SGTA: variants seen among roughly 807,000 people sequenced by gnomAD.
SGTA encodes the protein small glutamine-rich tetratricopeptide repeat-containing protein alpha.
SGTA carries 22 observed loss-of-function variants against 44.3 expected under a neutral mutation model. The observed-to-expected ratio is 0.50, with a 90% confidence interval of 0.36 to 0.71. SGTA has a LOEUF of 0.71. Ranked by LOEUF, SGTA falls within the 30% of genes least tolerant of loss-of-function variation. SGTA has a pLI of 0.00. For missense variants in SGTA, 341 were observed against 435.9 expected, an observed-to-expected ratio of 0.78 and a Z score of 1.94; for synonymous variants, 174 against 177.6, an observed-to-expected ratio of 0.98 and a Z score of 0.16.
chr19:2,760,019 T>C (rs1235554259), intron 8 of SGTA, among the ~76,000 whole-genome samples: 1 of 152,152 alleles, frequency 6.6e-6, no homozygotes, highest in Non-Finnish European at 1.5e-5. Context: ...CTTTCTCATG[T>C]TAACTTTCCA....
At chr19:2,764,582 G>A (rs754542339) in intron 5 of SGTA, among the ~76,000 whole-genome samples, 6 of 151,446 alleles carry the variant, frequency 4.0e-5, no homozygotes, top group African/African-American at 1.2e-4. Context: ...GGTTTTTTTC[G>A]GGGTTTTTTT....
chr19:2,758,510 C>A lies in SGTA; in HGVS notation c.738-728G>T, dbSNP rs1288015761. ...CCAGCCTGGGTGACAGAGCAAGATTCTGTCTCAAAAAAAAAAAAAGGAGAA... is the reference window on the plus strand; with the variant it reads ...CCAGCCTGGGTGACAGAGCAAGATTATGTCTCAAAAAAAAAAAAAGGAGAA... On this transcript the variant is annotated intron_variant, in intron 9 of 11. Coordinates refer to ENST00000221566, the MANE Select transcript of SGTA (RefSeq NM_003021.4). Among the ~76,000 whole-genome samples the A allele has an allele frequency of 2.1e-5, 3 of 139,984 alleles. No homozygotes were observed. In the East Asian group the frequency reaches 7.0e-4, roughly 33 times the overall value. 91.8% of individuals were successfully genotyped at this position (139,984 alleles called of 152,430 possible). A position where few individuals can be genotyped will look rare whatever the true frequency, so the allele number is the denominator to read the frequency against.
Position 2,771,575 on chromosome 19 carries a change from C to CGG in SGTA, c.-23-2486_-23-2485dup, listed in dbSNP as rs5741784. Among the ~76,000 whole-genome samples the CGG allele has an allele frequency of 9.4e-3, 1,027 of 109,116 alleles. 39 individuals are homozygous for CGG. The highest frequency in any genetic ancestry group is 0.027 in the African/African-American group (707 of 26,550). 71.6% of individuals were successfully genotyped at this position (109,116 alleles called of 152,430 possible). A position where few individuals can be genotyped will look rare whatever the true frequency, so the allele number is the denominator to read the frequency against. On this transcript the variant is annotated intron_variant, in intron 1 of 11. Coordinates refer to ENST00000221566, the MANE Select transcript of SGTA (RefSeq NM_003021.4). ...ATGGATGGCGACAGCACCTCCCCAT[C>CGG]GGGGGGGGGGGGAGGGGTACGAGAC...
At chr19:2,760,806 T>G (rs1251354989) in intron 8 of SGTA, among the ~76,000 whole-genome samples, 2 of 152,142 alleles carry the variant, frequency 1.3e-5, no homozygotes, top group African/African-American at 2.4e-5. Flanking sequence ...TTTTTCTGAC[T>G]GACAGTGAGA....
chr19:2,757,625 T>C, intron 10 of SGTA, 68 bp downstream of exon 10: 1 of 1,452,856 alleles, frequency 6.9e-7, no homozygotes, highest in South Asian at 1.4e-5. Flanking sequence ...GCTCTCCTCC[T>C]TCCCTTCCGC....
intron 1 of SGTA, among the ~76,000 whole-genome samples, chr19:2,781,455 AGGTAAC>A (rs1405063154): frequency 1.3e-5 from 2 of 152,222 alleles, no homozygotes; most frequent in African/African-American, 4.8e-5. Flanking sequence ...AATCAACTAC[AGGTAAC>A]GCATAAACCA....
At chr19:2,770,336 C>A in intron 1 of SGTA, 1 of 152,458 alleles carries the variant, frequency 6.6e-6, no homozygotes, top group Middle Eastern at 3.4e-3. Context: ...AGTACAAGAC[C>A]TTTCACACAG....
At chr19:2,768,662 G>C (rs1212749297) in intron 2 of SGTA, among the ~76,000 whole-genome samples, 1 of 152,218 alleles carries the variant, frequency 6.6e-6, no homozygotes, top group East Asian at 1.9e-4. Context: ...ACTGGGTGGT[G>C]AGAACATTCC....
chr19:2,772,326 G>T (rs1223678219), intron 1 of SGTA, among the ~76,000 whole-genome samples: 1 of 152,240 alleles, frequency 6.6e-6, no homozygotes, highest in Non-Finnish European at 1.5e-5. Flanking sequence ...ATTCTTCTCT[G>T]CTCTGTGCCC....
intron 1 of SGTA, among the ~76,000 whole-genome samples, chr19:2,774,563 C>A (rs914630658): frequency 7.2e-5 from 11 of 152,166 alleles, no homozygotes; most frequent in Middle Eastern, 3.2e-3. Context: ...TACACAGAGG[C>A]CTTCACCTAC....
intron 1 of SGTA, among the ~76,000 whole-genome samples, chr19:2,780,980 G>C (rs1390970988): frequency 6.6e-6 from 1 of 152,166 alleles, no homozygotes; most frequent in Non-Finnish European, 1.5e-5. Flanking sequence ...CAGCTACTCA[G>C]GAGGCTGAGG....
Position 2,767,077 on chromosome 19 carries a change from C to T in SGTA, c.292+59G>A. 1.5e-6 allele frequency: 2 copies of T among 1,324,824 alleles called. No homozygotes were observed. Among genetic ancestry groups the T allele is most frequent in the South Asian group, 2.5e-5 (2 of 80,446 alleles). The allele number at this position is 1,324,824 out of a possible 1,614,324, so 82.1% of individuals were successfully genotyped here. A position where few individuals can be genotyped will look rare whatever the true frequency, so the allele number is the denominator to read the frequency against. Reference sequence around the variant, plus strand: ...GGACCAGCTGGCCTCTGCGAGGGTCCCACAGCCCCGGAGTCCAGGTAGGGC... The same window carrying T: ...GGACCAGCTGGCCTCTGCGAGGGTCTCACAGCCCCGGAGTCCAGGTAGGGC... On this transcript the variant is annotated intron_variant, in intron 4 of 11. Transcript: ENST00000221566. This position sits in a 1 kb window ranked among gnomAD's most constrained non-coding sequence, Gnocchi z 7.3.
intron 10 of SGTA, 76 bp from the exon 11 acceptor site, chr19:2,757,533 C>T: frequency 1.3e-6 from 2 of 1,551,466 alleles, no homozygotes; most frequent in Non-Finnish European, 8.7e-7. Flanking sequence ...CAGCTGACCC[C>T]TCGGGCCCTC....
chr19:2,778,284 G>C (rs1002149766), intron 1 of SGTA, among the ~76,000 whole-genome samples: 3 of 152,178 alleles, frequency 2.0e-5, no homozygotes, highest in African/African-American at 7.2e-5. Context: ...AATAAACCAA[G>C]AAATCTCATC....
rs939506589 is a variant in SGTA at position 2,765,947 on chromosome 19, G to A, written c.293-662C>T. Among the ~76,000 whole-genome samples the A allele has an allele frequency of 6.6e-6, 1 of 152,198 alleles. No individual in the cohort carries two copies. The highest frequency in any genetic ancestry group is 1.5e-5 in the Non-Finnish European group (1 of 68,038). On this transcript the variant is annotated intron_variant, in intron 4 of 11. Coordinates refer to ENST00000221566, the MANE Select transcript of SGTA (RefSeq NM_003021.4). The surrounding 1 kb of genome is among the most constrained non-coding windows in gnomAD (Gnocchi z 5.5). ...GCTTTAAAAATATAAGCCCGGGCGCGGTGGCTCATGCTTATAATCCCAGCA... is the reference window on the plus strand; with the variant it reads ...GCTTTAAAAATATAAGCCCGGGCGCAGTGGCTCATGCTTATAATCCCAGCA...
At chr19:2,760,354 T>TA (rs1054344879) in intron 8 of SGTA, among the ~76,000 whole-genome samples, 2 of 151,268 alleles carry the variant, frequency 1.3e-5, no homozygotes, top group African/African-American at 2.4e-5. Flanking sequence ...CCATTTCTAT[T>TA]AAAAAATACC....
At chr19:2,769,671 T>TC (rs374024306) in intron 1 of SGTA, among the ~76,000 whole-genome samples, 28 of 152,106 alleles carry the variant, frequency 1.8e-4, no homozygotes, top group African/African-American at 6.0e-4. Context: ...TGCAGAGGAC[T>TC]CCCCCCAGGG....
chr19:2,771,848 C>T (rs1915318507), intron 1 of SGTA, among the ~76,000 whole-genome samples: 1 of 152,240 alleles, frequency 6.6e-6, no homozygotes, highest in African/African-American at 2.4e-5. Context: ...GATGGGACCC[C>T]CATCCTCTGT....
rs370085392 is a variant in SGTA, at chr19:2,765,137, C to T, written c.392+49G>A. On this transcript the variant is annotated intron_variant, in intron 5 of 11. Coordinates refer to ENST00000221566, the MANE Select transcript of SGTA (RefSeq NM_003021.4). The surrounding 1 kb of genome is among the most constrained non-coding windows in gnomAD (Gnocchi z 5.5). The stretch of plus-strand genomic sequence containing the variant: ...GGTCCCTGCTAAGCATCCCGGAGGA[C>T]GCCCCCGCACCCGGCCGCCCCTGCC... 8.0e-5 allele frequency: 107 copies of T among 1,341,160 alleles called. No individual in the cohort carries two copies. In the African/African-American group the frequency reaches 1.1e-3, roughly 14 times the overall value. 83.1% of individuals were successfully genotyped at this position (1,341,160 alleles called of 1,614,324 possible). A position where few individuals can be genotyped will look rare whatever the true frequency, so the allele number is the denominator to read the frequency against.
Sources: gnomAD v4.1 joint callset for allele counts (sites outside exome capture counted in the v4.1 genomes callset) on GRCh38, gnomAD v4.1.1 for gene constraint, Gnocchi (gnomAD v3.1) non-coding constraint, MANE v1.5 for transcripts, NCBI Gene and HGNC (gene_info 2026-07-23, HGNC 2026-07-21) for gene names.